Variants in RBKS observed in about 807,000 individuals in gnomAD.
The protein encoded by RBKS is ribokinase.
In RBKS, 33 loss-of-function variants were observed where a neutral mutation model predicts 33.9. The observed-to-expected ratio is 0.97, with a 90% CI of 0.74 to 1.30. RBKS has a LOEUF of 1.30. Ranked by LOEUF, RBKS falls within the 50% of genes most tolerant of loss-of-function variation. RBKS has a pLI of 0.00. For synonymous variants in RBKS, 125 were observed against 143.0 expected, an observed-to-expected ratio of 0.87 and a Z score of 0.90; for missense variants, 361 against 392.6, an observed-to-expected ratio of 0.92 and a Z score of 0.68.
Position 27,890,299 on chromosome 2 carries a change from G to A in RBKS, c.47C>T (p.Ala16Val). ...EPQRQWQEEV[A>V]AVVVVGSCMT... ...GCAGGAGCCCACCACTACCACCGCC[G>A]CCACCTCCTCTTGCCACTGCCTCTG... Residue 16 changes from alanine (A) to valine (V), a missense_variant, in exon 1 of 8, where the codon GCG becomes GTG. Coordinates refer to ENST00000302188, the MANE Select transcript of RBKS (RefSeq NM_022128.3). This position sits in a 1 kb window ranked among gnomAD's most constrained non-coding sequence, Gnocchi z 4.8. 1.9e-6 allele frequency: 3 copies of A among 1,613,728 alleles called. No individual in the cohort carries two copies. Among genetic ancestry groups the A allele is most frequent in the South Asian group, 1.1e-5 (1 of 91,072 alleles).
intron 7 of RBKS, among the ~76,000 whole-genome samples, chr2:27,801,963 A>ATATATAT (rs1553375157): frequency 2.3e-4 from 11 of 47,614 alleles, no homozygotes; most frequent in African/African-American, 3.2e-4. Context: ...AAAAAAAAAA[A>ATATATAT]ATATATATAT....
At chr2:27,797,867 C>T (rs1677691687) in intron 7 of RBKS, among the ~76,000 whole-genome samples, 1 of 152,158 alleles carries the variant, frequency 6.6e-6, no homozygotes, top group African/African-American at 2.4e-5. Context: ...GTACAGGGAA[C>T]TAAGACAACT....
At chr2:27,805,214 A>G (rs1269624129) in intron 7 of RBKS, among the ~76,000 whole-genome samples, 3 of 152,188 alleles carry the variant, frequency 2.0e-5, no homozygotes, top group African/African-American at 7.2e-5. Flanking sequence ...AAAAATTCTC[A>G]TAATGTTTTA....
At chr2:27,824,231 G>T (rs1678270477) in intron 7 of RBKS, among the ~76,000 whole-genome samples, 1 of 152,066 alleles carries the variant, frequency 6.6e-6, no homozygotes, top group Admixed American at 6.6e-5. Context: ...TTTTAAAAAA[G>T]AATTATTTAA....
intron 7 of RBKS, among the ~76,000 whole-genome samples, chr2:27,823,091 C>G (rs146312513): frequency 6.6e-6 from 1 of 152,170 alleles, no homozygotes. Flanking sequence ...CAAATGCAAG[C>G]AGGCAAACCC....
intron 5 of RBKS, among the ~76,000 whole-genome samples, chr2:27,836,770 G>GA (rs1475334312): frequency 1.3e-5 from 2 of 151,682 alleles, no homozygotes; most frequent in African/African-American, 4.8e-5. Flanking sequence ...CTAATATGCA[G>GA]AATCTATAAG....
chr2:27,882,843 G>C (rs1176030586), intron 1 of RBKS, among the ~76,000 whole-genome samples: 1 of 152,090 alleles, frequency 6.6e-6, no homozygotes, highest in East Asian at 1.9e-4. Context: ...GCTAAATACT[G>C]CATGTTCTTA....
Position 27,890,140 on chromosome 2 carries a change from C to A in RBKS, c.89+117G>T. 2 of 882,468 alleles carry A rather than the reference C, an allele frequency of 2.3e-6. No individual in the cohort carries two copies. The highest frequency in any genetic ancestry group is 3.5e-6 in the Non-Finnish European group (2 of 573,948). 54.7% of individuals were successfully genotyped at this position (882,468 alleles called of 1,614,324 possible). On this transcript the variant is annotated intron_variant, in intron 1 of 7. Transcript: ENST00000302188. The surrounding 1 kb of genome is among the most constrained non-coding windows in gnomAD (Gnocchi z 4.8). ...GGCTTCGAAAACCTGCAGCTCATAC[C>A]CAAAGCTAGCACTGTCTATCCCTGG...
intron 7 of RBKS, among the ~76,000 whole-genome samples, chr2:27,793,491 C>T (rs1558534095): frequency 1.3e-5 from 2 of 152,196 alleles, no homozygotes. Context: ...GAGAAGGACA[C>T]AAGGTCACGG....
chr2:27,834,261 A>G (rs1045074315), intron 5 of RBKS, among the ~76,000 whole-genome samples: 2 of 152,180 alleles, frequency 1.3e-5, no homozygotes, highest in Non-Finnish European at 2.9e-5. Flanking sequence ...TGATTCAGTC[A>G]GTGGGTCTTG....
At chr2:27,831,207 A>G (rs1678408282) in intron 6 of RBKS, among the ~76,000 whole-genome samples, 1 of 136,326 alleles carries the variant, frequency 7.3e-6, no homozygotes, top group South Asian at 2.3e-4. Flanking sequence ...TACATTTTGG[A>G]GGTATTTTAT....
chr2:27,850,199 C>A (rs1009646880), intron 2 of RBKS, among the ~76,000 whole-genome samples: 1 of 152,144 alleles, frequency 6.6e-6, no homozygotes, highest in African/African-American at 2.4e-5. Context: ...AGGTTCTCAG[C>A]CTAAGAGAGT....
At position 27,837,295 on chromosome 2, in the gene RBKS, C is replaced by T. The variant is rs145167979; in HGVS notation, c.515-4518G>A. Among the ~76,000 whole-genome samples the T allele has an allele frequency of 1.5e-3, 229 of 150,604 alleles. 1 individual carries two copies. Among genetic ancestry groups the T allele is most frequent in the African/African-American group, 5.6e-3 (224 of 40,114 alleles). On this transcript the variant is annotated intron_variant, in intron 5 of 7. Transcript: ENST00000302188. This position sits in a 1 kb window ranked among gnomAD's most constrained non-coding sequence, Gnocchi z 4.0. ...TCTCAAAAAACAAAACAAAACAAAA[C>T]GAAACAAAAAACAAAAAGTCAAAAC... is the stretch of plus-strand genomic sequence containing the variant.
At chr2:27,782,469 C>T (rs1005505966) in intron 7 of RBKS, 5 of 294,992 alleles carry the variant, frequency 1.7e-5, no homozygotes, top group African/African-American at 1.1e-4. Context: ...AGGTGTGAGC[C>T]ACTGCACTTG....
In RBKS at chr2:27,785,254, A is replaced by G. The variant is rs1256030332; in HGVS notation, c.796-3466T>C. The stretch of plus-strand genomic sequence containing the variant: ...ACATATTTTAAAAATTATATGTCCA[A>G]AGATACTATAAATAAAGCCAAGTGA... On this transcript the variant is annotated intron_variant, in intron 7 of 7. Coordinates refer to ENST00000302188, the MANE Select transcript of RBKS (RefSeq NM_022128.3). Among the ~76,000 whole-genome samples, 4 of 152,360 alleles carry G rather than the reference A, an allele frequency of 2.6e-5. No individual in the cohort carries two copies. In the East Asian group the frequency reaches 7.7e-4, roughly 29 times the overall value.
At chr2:27,886,788 T>TGG (rs1664537876) in intron 1 of RBKS, among the ~76,000 whole-genome samples, 2 of 152,106 alleles carry the variant, frequency 1.3e-5, no homozygotes, top group African/African-American at 4.8e-5. Flanking sequence ...GGTAGTAGCC[T>TGG]TTACTAGCCA....
chr2:27,806,121 C>T (rs566378388), intron 7 of RBKS, among the ~76,000 whole-genome samples: 5 of 151,818 alleles, frequency 3.3e-5, no homozygotes, highest in South Asian at 2.1e-4. Context: ...TGGGCTCAAA[C>T]GATTCGCCCG....
intron 1 of RBKS, chr2:27,870,244 T>C (rs991300192): frequency 6.5e-6 from 1 of 152,954 alleles, no homozygotes; most frequent in Non-Finnish European, 1.5e-5. Context: ...GTCACCCCCA[T>C]AATTCCAGTT....
At chr2:27,791,655 A>AC (rs1677527827) in intron 7 of RBKS, among the ~76,000 whole-genome samples, 69 of 139,996 alleles carry the variant, frequency 4.9e-4, no homozygotes, top group African/African-American at 1.6e-3. Context: ...AAATATACAT[A>AC]TACATATACA....
Sources: allele counts gnomAD v4.1 joint callset (sites outside exome capture counted in the v4.1 genomes callset), GRCh38; gene constraint gnomAD v4.1.1; non-coding constraint Gnocchi (gnomAD v3.1); transcripts MANE v1.5; gene names NCBI Gene and HGNC (gene_info 2026-07-23, HGNC 2026-07-21).